RBMS1: variants seen among roughly 807,000 people sequenced by gnomAD.
The protein encoded by RBMS1 is RNA-binding motif, single-stranded-interacting protein 1.
A neutral mutation model predicts 62.3 loss-of-function variants in RBMS1; 17 were observed. The observed-to-expected ratio is 0.27, with a 90% CI of 0.19 to 0.41. RBMS1 has a LOEUF of 0.41. Among genes scored for constraint, RBMS1 ranks in the 10% least tolerant of loss-of-function variants. RBMS1 has a pLI of 1.00. For synonymous variants in RBMS1, 172 were observed against 170.0 expected (o/e 1.01, Z -0.09); for missense variants, 334 against 504.5 (o/e 0.66, Z 3.24).
intron 2 of RBMS1, among the ~76,000 whole-genome samples, chr2:160,318,914 T>A (rs1490654432): frequency 6.6e-6 from 1 of 152,220 alleles, no homozygotes; most frequent in Non-Finnish European, 1.5e-5. Context: ...CAATCAAGAA[T>A]ATAATGAAGA....
chr2:160,480,115 CA>C (rs1308580117), intron 1 of RBMS1, among the ~76,000 whole-genome samples: 2 of 151,984 alleles, frequency 1.3e-5, no homozygotes, highest in East Asian at 3.9e-4. Context: ...TTCACAATAT[CA>C]GGGGCATATT....
At chr2:160,301,724 G>A (rs534688052) in intron 5 of RBMS1, among the ~76,000 whole-genome samples, 6 of 152,322 alleles carry the variant, frequency 3.9e-5, no homozygotes, top group South Asian at 2.1e-4. Context: ...GACAGAAACA[G>A]CAATGAACTA....
At chr2:160,407,057 C>G (rs1695763299) in intron 1 of RBMS1, among the ~76,000 whole-genome samples, 2 of 152,070 alleles carry the variant, frequency 1.3e-5, no homozygotes, top group Admixed American at 1.3e-4. Context: ...CACACGTCTT[C>G]CGGGTTTCCT....
chr2:160,278,764 A>G (rs181459704), intron 10 of RBMS1, 106 bp from the exon 11 acceptor site: 1 of 686,526 alleles, frequency 1.5e-6, no homozygotes, highest in Non-Finnish European at 2.5e-6. Context: ...AAGAATGTGA[A>G]GCAAAAACAA....
At chr2:160,414,107 G>T (rs1446836412) in intron 1 of RBMS1, among the ~76,000 whole-genome samples, 1 of 152,144 alleles carries the variant, frequency 6.6e-6, no homozygotes, top group Non-Finnish European at 1.5e-5. Flanking sequence ...CCTTCTAGAA[G>T]CCCCCATTTG....
chr2:160,393,888 A>C (rs527455969), intron 1 of RBMS1, among the ~76,000 whole-genome samples: 1 of 152,292 alleles, frequency 6.6e-6, no homozygotes, highest in African/African-American at 2.4e-5. Context: ...CAAATAAGCT[A>C]TGCGATGTCC....
At chr2:160,348,979 G>A (rs562148190) in intron 2 of RBMS1, among the ~76,000 whole-genome samples, 72 of 152,174 alleles carry the variant, frequency 4.7e-4, no homozygotes, top group African/African-American at 1.7e-3. Flanking sequence ...AACAAGCAAG[G>A]TTCCAGGACC....
chr2:160,303,371 T>C lies in RBMS1; in HGVS notation c.519A>G (p.Leu173=), dbSNP rs1461950183. The C allele has an allele frequency of 1.2e-6, 2 of 1,613,374 alleles. No homozygotes were observed. The highest frequency in any genetic ancestry group is 1.7e-6 in the Non-Finnish European group (2 of 1,179,722). The change falls in exon 5 of 14, where the codon CTA becomes CTG. Residue 173 remains leucine, a synonymous_variant. Transcript: ENST00000348849. ...PFGQVISTRI[L]RDSSGTSRGV... is the part of the protein sequence containing the mutation. Reference sequence around the variant, plus strand: ...CACGACTTGTACCACTGGAATCACGTAGTATCCTTGTAGAAATAACTTGTC... The same window carrying C: ...CACGACTTGTACCACTGGAATCACGCAGTATCCTTGTAGAAATAACTTGTC...
intron 1 of RBMS1, among the ~76,000 whole-genome samples, chr2:160,399,988 A>C (rs1695353404): frequency 1.3e-5 from 2 of 152,198 alleles, no homozygotes. Flanking sequence ...GAAACAAACA[A>C]GGTAAGAGTG....
At chr2:160,483,759 A>G (rs6432622) in intron 1 of RBMS1, among the ~76,000 whole-genome samples, 75,366 of 151,868 alleles carry the variant, frequency 0.5, 19,307 homozygotes, top group Admixed American at 0.58. Flanking sequence ...AAATTGGAGA[A>G]CAGGAGTGAA....
intron 2 of RBMS1, among the ~76,000 whole-genome samples, chr2:160,351,199 A>C (rs564938901): frequency 6.0e-5 from 9 of 151,036 alleles, no homozygotes; most frequent in Admixed American, 5.3e-4. Flanking sequence ...GGGGGGAGGG[A>C]ATAGCATTAG....
At chr2:160,304,664 A>G (rs1248399259) in intron 4 of RBMS1, among the ~76,000 whole-genome samples, 3 of 152,230 alleles carry the variant, frequency 2.0e-5, no homozygotes, top group African/African-American at 7.2e-5. Flanking sequence ...AAAAAAGTTT[A>G]GAAAATAATA....
chr2:160,394,589 AC>A (rs1409819024), intron 1 of RBMS1, among the ~76,000 whole-genome samples: 1 of 152,248 alleles, frequency 6.6e-6, no homozygotes, highest in Non-Finnish European at 1.5e-5. Context: ...ACTGACCTTA[AC>A]AGAGGAGAAA....
intron 1 of RBMS1, among the ~76,000 whole-genome samples, chr2:160,466,292 A>G (rs1474501877): frequency 6.6e-6 from 1 of 152,186 alleles, no homozygotes; most frequent in Non-Finnish European, 1.5e-5. Context: ...TATTCAATAA[A>G]TTATACGGTA....
intron 1 of RBMS1, among the ~76,000 whole-genome samples, chr2:160,428,601 A>G (rs1227415835): frequency 2.6e-5 from 4 of 152,200 alleles, no homozygotes; most frequent in African/African-American, 7.2e-5. Context: ...TTGGGTGTCA[A>G]CCTACGAGAC....
At chr2:160,308,215 G>A (rs1001792231) in intron 4 of RBMS1, among the ~76,000 whole-genome samples, 1 of 151,980 alleles carries the variant, frequency 6.6e-6, no homozygotes, top group East Asian at 1.9e-4. Context: ...GCAACATGGC[G>A]AAACCTGGTC....
intron 2 of RBMS1, among the ~76,000 whole-genome samples, chr2:160,360,902 A>T (rs931844089): frequency 6.6e-6 from 1 of 152,222 alleles, no homozygotes. Flanking sequence ...CACAAGGAAA[A>T]CTTACAGAGA....
chr2:160,392,219 T>A (rs1331118734), intron 1 of RBMS1, among the ~76,000 whole-genome samples: 1 of 152,198 alleles, frequency 6.6e-6, no homozygotes, highest in Non-Finnish European at 1.5e-5. Context: ...CTTCTGTGCA[T>A]CTTCTGGTAA....
At chr2:160,492,466 C>T (rs1202463927) in intron 1 of RBMS1, among the ~76,000 whole-genome samples, 1 of 152,116 alleles carries the variant, frequency 6.6e-6, no homozygotes, top group African/African-American at 2.4e-5. Context: ...GTGCCGAGGT[C>T]ACTTTTTAAA....
Sources: allele counts gnomAD v4.1 joint callset (sites outside exome capture counted in the v4.1 genomes callset), GRCh38; gene constraint gnomAD v4.1.1; transcripts MANE v1.5; gene names NCBI Gene and HGNC (gene_info 2026-07-23, HGNC 2026-07-21).